The following DRC7 variants were observed in gnomAD, a reference collection of about 807,000 sequenced individuals.
DRC7 encodes dynein regulatory complex subunit 7, also known as coiled-coil domain containing 135.
DRC7 carries 80 observed loss-of-function variants against 104.4 expected under a neutral mutation model. That is an observed-to-expected ratio of 0.77 (90% CI 0.64 to 0.92). The LOEUF (loss-of-function observed/expected upper bound fraction) is 0.92, where lower values mean the gene tolerates loss of function less well. DRC7 is among the 40% of genes least tolerant of loss of function. The pLI is 0.00. For synonymous variants in DRC7, 405 were observed against 447.3 expected, an observed-to-expected ratio of 0.91 and a Z score of 1.19; for missense variants, 1,034 against 1,141.1, an observed-to-expected ratio of 0.91 and a Z score of 1.35.
Position 57,702,092 on chromosome 16 carries a change from A to G in DRC7, c.661A>G (p.Thr221Ala), listed in dbSNP as rs1290483040. 1 of 1,614,030 alleles carries G rather than the reference A, an allele frequency of 6.2e-7. No homozygotes were observed. Among genetic ancestry groups the G allele is most frequent in the East Asian group, 2.2e-5 (1 of 44,888 alleles). Residue 221 changes from threonine to alanine, a missense_variant, in exon 6 of 19, where the codon ACG becomes GCG. Transcript: ENST00000360716. ...GSLDLCHMDL[T>A]REVCPLTVKP... is the part of the protein sequence containing the mutation. ...GCTGGACCTGTGCCACATGGACCTG[A>G]CGCGGGAGGTGTGCCCACTCACTGT...
chr16:57,727,188 C>T, intron 15 of DRC7, 111 bp from the exon 16 acceptor site: 1 of 890,556 alleles, frequency 1.1e-6, no homozygotes, highest in Non-Finnish European at 1.8e-6. Flanking sequence ...CCAGGCTGGT[C>T]TCAAACTCCT....
At chr16:57,699,323 G>A (rs1333533314) in intron 4 of DRC7, among the ~76,000 whole-genome samples, 4 of 152,234 alleles carry the variant, frequency 2.6e-5, no homozygotes, top group African/African-American at 4.8e-5. Flanking sequence ...GAGGAGACTC[G>A]GGATTTGTGT....
At chr16:57,727,196 C>T in intron 15 of DRC7, 103 bp from the exon 16 acceptor site, 1 of 942,476 alleles carries the variant, frequency 1.1e-6, no homozygotes, top group Non-Finnish European at 1.7e-6. Context: ...GTCTCAAACT[C>T]CTGAATTCAT....
chr16:57,706,618 C>T (rs566756272), intron 7 of DRC7, among the ~76,000 whole-genome samples: 1 of 117,526 alleles, frequency 8.5e-6, no homozygotes, highest in Non-Finnish European at 1.8e-5. Context: ...ACCCACCCCC[C>T]CATCCGTCCA....
At chr16:57,724,184 C>T (rs568737655) in intron 12 of DRC7, among the ~76,000 whole-genome samples, 8 of 151,836 alleles carry the variant, frequency 5.3e-5, no homozygotes, top group Non-Finnish European at 8.8e-5. Context: ...GTGGCAGGTG[C>T]CTGTAGTCCC....
chr16:57,710,516 GAATCAT>G (rs2048781617), intron 8 of DRC7, among the ~76,000 whole-genome samples: 1 of 152,106 alleles, frequency 6.6e-6, no homozygotes, highest in African/African-American at 2.4e-5. Flanking sequence ...ACACTGGCTG[GAATCAT>G]CAGTAAATGT....
At chr16:57,706,029 C>A (rs2048719754) in intron 7 of DRC7, among the ~76,000 whole-genome samples, 1 of 144,774 alleles carries the variant, frequency 6.9e-6, no homozygotes. Context: ...TCCATCCATC[C>A]TCCCATCCAC....
At chr16:57,730,609 T>G (rs545942399) in intron 17 of DRC7, among the ~76,000 whole-genome samples, 27 of 151,108 alleles carry the variant, frequency 1.8e-4, no homozygotes, top group African/African-American at 6.6e-4. Context: ...GAGGGGGGAG[T>G]ACAATGACCC....
At chr16:57,707,792 C>T (rs753916125) in intron 8 of DRC7, 114 bp downstream of exon 8, 1 of 878,110 alleles carries the variant, frequency 1.1e-6, no homozygotes. Context: ...GCCACGAGGG[C>T]TTTGAACCTT....
intron 5 of DRC7, among the ~76,000 whole-genome samples, chr16:57,701,040 G>A (rs1258559378): frequency 6.6e-6 from 1 of 152,224 alleles, no homozygotes; most frequent in Non-Finnish European, 1.5e-5. Context: ...CTATTTTGCA[G>A]ACTAGTAAAC....
chr16:57,697,788 A>T, intron 2 of DRC7, 125 bp from the exon 3 acceptor site: 1 of 1,007,362 alleles, frequency 9.9e-7, no homozygotes, highest in Non-Finnish European at 1.4e-6. Context: ...AGAGGGAATC[A>T]CTCCCTATGT....
At chr16:57,729,346 ATGAG>A (rs551575635) in intron 17 of DRC7, among the ~76,000 whole-genome samples, 1,232 of 76,330 alleles carry the variant, frequency 0.016, 20 homozygotes, top group African/African-American at 0.063. Flanking sequence ...GGATGGGTGG[ATGAG>A]TGAGTGAGTG....
At chr16:57,709,120 C>G (rs2048765056) in intron 8 of DRC7, among the ~76,000 whole-genome samples, 1 of 128,584 alleles carries the variant, frequency 7.8e-6, no homozygotes, top group Non-Finnish European at 1.6e-5. Flanking sequence ...CAAAGCAAGA[C>G]TCTGTCTCAA....
At chr16:57,724,551 G>T in intron 12 of DRC7, 64 bp from the exon 13 acceptor site, 1 of 1,275,120 alleles carries the variant, frequency 7.8e-7, no homozygotes. Flanking sequence ...GGGCGACCAA[G>T]CCAGCAGCCA....
rs1262786071 is a variant in DRC7 at position 57,731,076 on chromosome 16, C to G, written c.2531+6C>G. The G allele has an allele frequency of 2.5e-6, 4 of 1,613,722 alleles. No homozygotes were observed. In the Middle Eastern group the frequency reaches 6.6e-4, roughly 266 times the overall value. ...CTGGAGCAGCGCCTCAATCGGTGAGCAGGCAGGGCAGGTGGAGAGAACCCA... is the reference window on the plus strand; with the variant it reads ...CTGGAGCAGCGCCTCAATCGGTGAGGAGGCAGGGCAGGTGGAGAGAACCCA... On this transcript the variant is annotated splice_donor_region_variant and intron_variant, in intron 18 of 18. Coordinates refer to ENST00000360716, the MANE Select transcript of DRC7 (RefSeq NM_001289162.2).
At chr16:57,705,513 C>T (rs1597796933) in intron 7 of DRC7, among the ~76,000 whole-genome samples, 1 of 150,118 alleles carries the variant, frequency 6.7e-6, no homozygotes, top group Non-Finnish European at 1.5e-5. Context: ...CCCAACCTTC[C>T]ATCCATCCAT....
chr16:57,718,111 G>C (rs529436489), intron 8 of DRC7, among the ~76,000 whole-genome samples: 3 of 152,352 alleles, frequency 2.0e-5, no homozygotes, highest in South Asian at 4.1e-4. Context: ...TCCTCACAGG[G>C]AGGCTGAATG....
intron 5 of DRC7, chr16:57,701,707 G>A (rs2148732957): frequency 1.9e-6 from 1 of 526,502 alleles, no homozygotes; most frequent in East Asian, 3.1e-5. Flanking sequence ...CCCCTATCAG[G>A]AAGTCCATAG....
rs1295628506 is a variant in DRC7, at chr16:57,697,920, C to T, written c.-30C>T. ...ACTTACCCTTCCCCACAGAGACATT[C>T]CATCTCCAGACACCCAGAGACGCTC... On this transcript the variant is annotated 5_prime_UTR_variant, in exon 3 of 19. Coordinates refer to ENST00000360716, the MANE Select transcript of DRC7 (RefSeq NM_001289162.2). 1 of 1,603,212 alleles carries T rather than the reference C, an allele frequency of 6.2e-7. No individual in the cohort carries two copies. The highest frequency in any genetic ancestry group is 1.7e-5 in the Admixed American group (1 of 59,464).
Sources: gnomAD v4.1 joint callset for allele counts (sites outside exome capture counted in the v4.1 genomes callset) on GRCh38, gnomAD v4.1.1 for gene constraint, MANE v1.5 for transcripts, NCBI Gene and HGNC (gene_info 2026-07-23, HGNC 2026-07-21) for gene names.